Variants in ULK4 observed in about 807,000 individuals in gnomAD.
ULK4 encodes unc-51 like kinase 4.
A neutral mutation model predicts 160.6 loss-of-function variants in ULK4; 133 were observed. That is an observed-to-expected ratio of 0.83 (90% confidence interval 0.72 to 0.96). The LOEUF is 0.96. Among genes scored for constraint, ULK4 ranks in the 40% least tolerant of loss-of-function variants. The probability of loss-of-function intolerance (pLI) is 0.00; values close to 1 mark genes in which losing one functional copy is unlikely to be tolerated. For missense variants in ULK4, 1,580 were observed against 1,499.5 expected, an observed-to-expected ratio of 1.05 and a Z score of -0.89; for synonymous variants, 534 against 539.8, an observed-to-expected ratio of 0.99 and a Z score of 0.15.
At chr3:41,343,595 C>T (rs893122759) in intron 35 of ULK4, among the ~76,000 whole-genome samples, 19 of 152,082 alleles carry the variant, frequency 1.2e-4, no homozygotes, top group African/African-American at 2.7e-4. Flanking sequence ...TGAGCCACCA[C>T]GCCTGACCAA....
chr3:41,854,591 A>T (rs1306284227), intron 17 of ULK4, among the ~76,000 whole-genome samples: 1 of 152,132 alleles, frequency 6.6e-6, no homozygotes. Flanking sequence ...GATATTTAAT[A>T]AGAAAATTTC....
At chr3:41,812,860 A>C (rs182463810) in intron 19 of ULK4, among the ~76,000 whole-genome samples, 1 of 152,280 alleles carries the variant, frequency 6.6e-6, no homozygotes, top group Admixed American at 6.5e-5. Context: ...ATGTGTGTAC[A>C]TTAGGGAGGC....
Position 41,825,293 on chromosome 3 carries a change from C to A in ULK4, c.1765-5787G>T, listed in dbSNP as rs60475105. On this transcript the variant is annotated intron_variant, in intron 18 of 36. Transcript: ENST00000301831. ...AAGGAATGCAGCTCCTCACCAGCAA[C>A]GGAACAAAGCTGGATGGAGAATGCC... 4.3e-3 allele frequency among the ~76,000 whole-genome samples: 651 copies of A among 152,304 alleles called. 5 individuals are homozygous for A. Among genetic ancestry groups the A allele is most frequent in the African/African-American group, 0.015 (612 of 41,558 alleles).
In ULK4 at chr3:41,779,985, T is replaced by TAAAAA. The variant is rs777587812; in HGVS notation, c.2193+9671_2193+9675dup. On this transcript the variant is annotated intron_variant, in intron 21 of 36. Transcript: ENST00000301831. ...ATGTACCCTAAAACTTAGAGTATAA[T>TAAAAA]AAAAAAAAAAAAAAAAAAAAAGGTA... 5.4e-4 allele frequency among the ~76,000 whole-genome samples: 32 copies of TAAAAA among 59,232 alleles called. 1 individual carries two copies. Among genetic ancestry groups the TAAAAA allele is most frequent in the African/African-American group, 1.2e-3 (26 of 21,536 alleles). 38.9% of individuals were successfully genotyped at this position (59,232 alleles called of 152,430 possible). A position where few individuals can be genotyped will look rare whatever the true frequency, so the allele number is the denominator to read the frequency against.
At chr3:41,248,607 T>A (rs998738308) in intron 36 of ULK4, among the ~76,000 whole-genome samples, 1 of 152,196 alleles carries the variant, frequency 6.6e-6, no homozygotes, top group Non-Finnish European at 1.5e-5. Flanking sequence ...CTTATTTTTC[T>A]TCAAATTAAT....
chr3:41,930,600 T>G lies in ULK4; in HGVS notation c.541+1244A>C, dbSNP rs528232417. On this transcript the variant is annotated intron_variant, in intron 5 of 36. Transcript: ENST00000301831. ...TTTGCAATCTACCCATCTGACAAAG[T>G]TCTAATATCCAGAGTCTACAAGAAA... 3.3e-5 allele frequency among the ~76,000 whole-genome samples: 5 copies of G among 152,120 alleles called. No individual in the cohort carries two copies. In the East Asian group the frequency reaches 7.7e-4, roughly 24 times the overall value.
intron 35 of ULK4, among the ~76,000 whole-genome samples, chr3:41,272,766 A>C (rs1231855069): frequency 6.6e-6 from 1 of 152,184 alleles, no homozygotes; most frequent in East Asian, 1.9e-4. Flanking sequence ...AAAGTTATCC[A>C]ACAGTTATCT....
At chr3:41,317,099 C>T (rs1324364161) in intron 35 of ULK4, among the ~76,000 whole-genome samples, 2 of 102,840 alleles carry the variant, frequency 1.9e-5, no homozygotes, top group East Asian at 2.6e-4. Flanking sequence ...GACGGAGTCT[C>T]GCTCTGTCGC....
At chr3:41,854,093 A>G (rs530832351) in intron 17 of ULK4, 6 of 152,352 alleles carry the variant, frequency 3.9e-5, no homozygotes, top group East Asian at 1.9e-4. Flanking sequence ...TGCAGGCTGC[A>G]TAAGAAATCA....
chr3:41,436,859 C>T (rs1416622595), intron 34 of ULK4, among the ~76,000 whole-genome samples: 1 of 151,936 alleles, frequency 6.6e-6, no homozygotes, highest in Admixed American at 6.6e-5. Context: ...GCAAATGCCA[C>T]AAGTAATATT....
intron 31 of ULK4, among the ~76,000 whole-genome samples, chr3:41,583,467 A>G (rs1347335758): frequency 2.0e-5 from 3 of 152,222 alleles, no homozygotes; most frequent in Non-Finnish European, 2.9e-5. Flanking sequence ...AGAGGGATGA[A>G]TACTTCGTTT....
chr3:41,809,164 TCAAAAAAAAAA>T (rs776436078), intron 19 of ULK4, among the ~76,000 whole-genome samples: 16 of 101,290 alleles, frequency 1.6e-4, no homozygotes, highest in East Asian at 7.2e-4. Context: ...AGACTCCGTC[TCAAAAAAAAAA>T]CAAAAAAAAA....
At chr3:41,537,107 G>T (rs1185683467) in intron 32 of ULK4, among the ~76,000 whole-genome samples, 4 of 152,078 alleles carry the variant, frequency 2.6e-5, no homozygotes, top group Admixed American at 2.6e-4. Flanking sequence ...CCATCAAGGT[G>T]TCTTCTTTAA....
intron 35 of ULK4, among the ~76,000 whole-genome samples, chr3:41,321,367 A>G (rs9837640): frequency 0.18 from 26,909 of 152,092 alleles, 3,040 homozygotes; most frequent in African/African-American, 0.32. Flanking sequence ...CAGTGGCTGG[A>G]TTGGTGTAGC....
In ULK4 at chr3:41,786,489, C is replaced by A. The variant is rs559740135; in HGVS notation, c.2193+3172G>T. ...TGGCGGTGCACGCCAGTAGTCCCAG[C>A]TACTCAGGAGGCTGAGGTGGTCACC... On this transcript the variant is annotated intron_variant, in intron 21 of 36. Transcript: ENST00000301831. 4.0e-5 allele frequency among the ~76,000 whole-genome samples: 6 copies of A among 151,594 alleles called. No homozygotes were observed. The South Asian group carries it at 1.2e-3, about 32-fold the overall frequency.
intron 32 of ULK4, among the ~76,000 whole-genome samples, chr3:41,535,126 A>T (rs942296389): frequency 1.3e-5 from 2 of 152,124 alleles, no homozygotes; most frequent in Admixed American, 1.3e-4. Flanking sequence ...TTGTTTCATG[A>T]GGAGTACTGG....
intron 30 of ULK4, among the ~76,000 whole-genome samples, chr3:41,653,465 A>G (rs1347450351): frequency 1.3e-5 from 2 of 152,110 alleles, no homozygotes; most frequent in African/African-American, 2.4e-5. Context: ...TATTTTTTCA[A>G]TGGCAATTGT....
Position 41,754,435 on chromosome 3 carries a change from T to C in ULK4, c.2247A>G (p.Arg749=). The C allele has an allele frequency of 1.9e-6, 3 of 1,613,804 alleles. No individual in the cohort carries two copies. In the South Asian group the frequency reaches 3.3e-5, roughly 18 times the overall value. The change falls in exon 22 of 37, where the codon AGA becomes AGG. Residue 749 remains arginine, a synonymous_variant. Coordinates refer to ENST00000301831, the MANE Select transcript of ULK4 (RefSeq NM_017886.4). ...ATAGAAGAACCAGGAAGGCTTTTGC[T>C]CTAATGCATGTTGAGGGGCTGTCAA... ...RLLDSPSTCI[R]AKAFLVLLYI... is the part of the protein sequence containing the mutation.
At chr3:41,592,152 A>T (rs888902701) in intron 31 of ULK4, among the ~76,000 whole-genome samples, 2 of 152,236 alleles carry the variant, frequency 1.3e-5, no homozygotes, top group African/African-American at 4.8e-5. Context: ...TAGAAGTGGG[A>T]AACGGGGATC....
Sources: gnomAD v4.1 joint callset for allele counts (sites outside exome capture counted in the v4.1 genomes callset) on GRCh38, gnomAD v4.1.1 for gene constraint, MANE v1.5 for transcripts, NCBI Gene and HGNC (gene_info 2026-07-23, HGNC 2026-07-21) for gene names.